Variants in MAGI2 observed in about 807,000 individuals in gnomAD.
MAGI2 encodes membrane-associated guanylate kinase, WW and PDZ domain-containing protein 2.
MAGI2 carries 35 observed loss-of-function variants against 133.3 expected under a neutral mutation model. That is an observed-to-expected ratio of 0.26 (90% CI 0.20 to 0.35). MAGI2 has a LOEUF of 0.35. Among genes scored for constraint, MAGI2 ranks in the 10% least tolerant of loss-of-function variants. The pLI is 1.00. For synonymous variants in MAGI2, 729 were observed against 710.6 expected, an observed-to-expected ratio of 1.03 and a Z score of -0.41; for missense variants, 1,636 against 1,863.4, an observed-to-expected ratio of 0.88 and a Z score of 2.25.
intron 2 of MAGI2, among the ~76,000 whole-genome samples, chr7:78,871,612 T>A (rs1368657636): frequency 1.3e-5 from 2 of 152,030 alleles, no homozygotes; most frequent in African/African-American, 4.8e-5. Flanking sequence ...AGACTAAGAA[T>A]GCTAATTATT....
intron 2 of MAGI2, among the ~76,000 whole-genome samples, chr7:78,835,096 A>G (rs1230939457): frequency 2.6e-5 from 4 of 152,220 alleles, no homozygotes; most frequent in African/African-American, 9.6e-5. Context: ...GTATATACCC[A>G]GAAGTGAAAT....
At chr7:79,176,867 T>C (rs1826140682) in intron 1 of MAGI2, 1 of 92,758 alleles carries the variant, frequency 1.1e-5, no homozygotes, top group Non-Finnish European at 2.5e-5. Flanking sequence ...CTTTTCTTGA[T>C]TGCAGCTAAA....
chr7:78,275,424 A>G (rs1562731616), intron 9 of MAGI2, among the ~76,000 whole-genome samples: 1 of 152,196 alleles, frequency 6.6e-6, no homozygotes, highest in Admixed American at 6.5e-5. Flanking sequence ...CTTTATCTTG[A>G]CATAACAGTC....
chr7:78,857,302 G>T (rs1793741163), intron 2 of MAGI2, among the ~76,000 whole-genome samples: 1 of 152,122 alleles, frequency 6.6e-6, no homozygotes, highest in Admixed American at 6.5e-5. Context: ...GAATAGGAGT[G>T]GTGAGAGAGG....
At position 79,040,891 on chromosome 7, in the gene MAGI2, C is replaced by A. The variant is rs113200477; in HGVS notation, c.302-33685G>T. Among the ~76,000 whole-genome samples the A allele has an allele frequency of 3.4e-3, 521 of 152,296 alleles. 1 individual carries two copies. Among genetic ancestry groups the A allele is most frequent in the African/African-American group, 0.012 (505 of 41,556 alleles). ...AATTACCCAGTCTCAGGTATTTCTT[C>A]ATAGCAGTGTGAGAATGAACTAATA... On this transcript the variant is annotated intron_variant, in intron 1 of 21. Coordinates refer to ENST00000354212, the MANE Select transcript of MAGI2 (RefSeq NM_012301.4).
intron 2 of MAGI2, among the ~76,000 whole-genome samples, chr7:78,751,928 T>G (rs565518350): frequency 1.3e-5 from 2 of 152,230 alleles, no homozygotes; most frequent in Non-Finnish European, 2.9e-5. Flanking sequence ...ATCAGACTTA[T>G]AGTCTACTAC....
In MAGI2 at chr7:78,736,671, T is replaced by C. The variant is rs186397309; in HGVS notation, c.419-109432A>G. Among the ~76,000 whole-genome samples the C allele has an allele frequency of 4.6e-4, 70 of 152,260 alleles. No individual in the cohort carries two copies. The East Asian group carries it at 0.012, about 27-fold the overall frequency. Reference sequence around the variant, plus strand: ...TCCCTTTTCTATGTTGATATTTGCATGCTGGTACAGAAGCAGTGGCAAGTA... The same window carrying C: ...TCCCTTTTCTATGTTGATATTTGCACGCTGGTACAGAAGCAGTGGCAAGTA... On this transcript the variant is annotated intron_variant, in intron 2 of 21. Coordinates refer to ENST00000354212, the MANE Select transcript of MAGI2 (RefSeq NM_012301.4).
At chr7:78,226,071 CCT>C (rs1196166931) in intron 10 of MAGI2, among the ~76,000 whole-genome samples, 3 of 151,782 alleles carry the variant, frequency 2.0e-5, no homozygotes, top group Admixed American at 6.6e-5. Flanking sequence ...AATATAAGCC[CCT>C]GTTTTAAAAA....
At chr7:78,237,439 A>G (rs1439714355) in intron 10 of MAGI2, among the ~76,000 whole-genome samples, 1 of 152,022 alleles carries the variant, frequency 6.6e-6, no homozygotes, top group African/African-American at 2.4e-5. Context: ...AAAATTTTTT[A>G]TTTTTATGGT....
chr7:78,419,373 T>C (rs1798586842), intron 6 of MAGI2, among the ~76,000 whole-genome samples: 1 of 144,478 alleles, frequency 6.9e-6, no homozygotes, highest in Non-Finnish European at 1.5e-5. Context: ...TACCGGCCTA[T>C]GTTAATTAGT....
intron 9 of MAGI2, among the ~76,000 whole-genome samples, chr7:78,288,734 G>A (rs1349147457): frequency 6.6e-6 from 1 of 152,178 alleles, no homozygotes; most frequent in African/African-American, 2.4e-5. Flanking sequence ...GCAGCCGGGT[G>A]CCCCTCTGAG....
intron 1 of MAGI2, among the ~76,000 whole-genome samples, chr7:79,129,493 T>C (rs935231519): frequency 6.6e-6 from 1 of 152,208 alleles, no homozygotes; most frequent in African/African-American, 2.4e-5. Flanking sequence ...ATTAAATCCA[T>C]CTCCATTTAT....
intron 6 of MAGI2, among the ~76,000 whole-genome samples, chr7:78,373,330 A>G (rs1314997012): frequency 6.6e-6 from 1 of 152,194 alleles, no homozygotes; most frequent in East Asian, 1.9e-4. Context: ...GAAGAAGGAC[A>G]TTAGTGGAGC....
intron 1 of MAGI2, among the ~76,000 whole-genome samples, chr7:79,303,483 GT>G (rs1301017252): frequency 3.3e-5 from 5 of 152,126 alleles, no homozygotes; most frequent in African/African-American, 1.2e-4. Flanking sequence ...GTGCCAAAGT[GT>G]TTTCATCAAT....
In MAGI2 at chr7:78,691,785, T is replaced by G. The variant is rs80292062; in HGVS notation, c.419-64546A>C. ...ATCAATAGACAAAGCACAGAGAATT[T>G]TTAGGGAAGTGAAACTACCCTGTAT... On this transcript the variant is annotated intron_variant, in intron 2 of 21. Transcript: ENST00000354212. Among the ~76,000 whole-genome samples, 199 of 152,276 alleles carry G rather than the reference T, an allele frequency of 1.3e-3. 2 individuals are homozygous for G. Among genetic ancestry groups the G allele is most frequent in the African/African-American group, 4.7e-3 (195 of 41,570 alleles).
intron 20 of MAGI2, among the ~76,000 whole-genome samples, chr7:78,084,345 A>G (rs772744015): frequency 3.3e-5 from 5 of 152,214 alleles, no homozygotes; most frequent in Non-Finnish European, 7.3e-5. Flanking sequence ...CCTCATGGAC[A>G]GGGAACACAC....
chr7:78,144,110 ATGAGAAG>A (rs1939614395), intron 16 of MAGI2, among the ~76,000 whole-genome samples: 1 of 152,134 alleles, frequency 6.6e-6, no homozygotes, highest in African/African-American at 2.4e-5. Context: ...AAAGAGCTCT[ATGAGAAG>A]TGTTAGGCAT....
intron 2 of MAGI2, among the ~76,000 whole-genome samples, chr7:78,752,492 A>G (rs552075184): frequency 6.6e-6 from 1 of 152,146 alleles, no homozygotes; most frequent in African/African-American, 2.4e-5. Context: ...AATCCCAGCT[A>G]CTTGGGAGGC....
At chr7:78,607,907 C>T (rs1466807338) in intron 3 of MAGI2, among the ~76,000 whole-genome samples, 1 of 152,148 alleles carries the variant, frequency 6.6e-6, no homozygotes, top group Non-Finnish European at 1.5e-5. Context: ...CCTCCTATGA[C>T]CTGGTCACTT....
Sources: gnomAD v4.1 joint callset for allele counts (sites outside exome capture counted in the v4.1 genomes callset) on GRCh38, gnomAD v4.1.1 for gene constraint, MANE v1.5 for transcripts, NCBI Gene and HGNC (gene_info 2026-07-23, HGNC 2026-07-21) for gene names.